Variants in MAD1L1 observed in about 807,000 individuals in gnomAD.
The protein encoded by MAD1L1 is mitotic spindle assembly checkpoint protein MAD1.
In MAD1L1, 95 loss-of-function variants were observed where a neutral mutation model predicts 96.9. That is an observed-to-expected ratio of 0.98 (90% CI 0.83 to 1.16). The LOEUF (loss-of-function observed/expected upper bound fraction) is 1.16, where lower values mean the gene tolerates loss of function less well. Ranked by LOEUF, MAD1L1 falls within the 50% of genes most tolerant of loss-of-function variation. The pLI, the probability that MAD1L1 is intolerant of heterozygous loss-of-function variation, is 0.00. For synonymous variants in MAD1L1, 473 were observed against 396.6 expected (o/e 1.19, Z -2.29); for missense variants, 1,007 against 954.4 (o/e 1.06, Z -0.73).
chr7:2,128,171 C>T (rs1191891784), intron 11 of MAD1L1, among the ~76,000 whole-genome samples: 7 of 152,302 alleles, frequency 4.6e-5, no homozygotes, highest in East Asian at 3.9e-4. Flanking sequence ...CTCATGAAGC[C>T]GGACAATTGT....
intron 18 of MAD1L1, among the ~76,000 whole-genome samples, chr7:1,821,782 C>T (rs559444984): frequency 6.6e-6 from 1 of 152,294 alleles, no homozygotes; most frequent in East Asian, 1.9e-4. Context: ...GAAAGTCCTC[C>T]GACTTGGTAA....
At chr7:1,887,907 G>T (rs537175088) in intron 18 of MAD1L1, among the ~76,000 whole-genome samples, 1 of 135,532 alleles carries the variant, frequency 7.4e-6, no homozygotes, top group East Asian at 2.2e-4. Flanking sequence ...GTGCATGTGT[G>T]TGCATGCATG....
chr7:1,975,789 C>T (rs1357771815), intron 15 of MAD1L1, among the ~76,000 whole-genome samples: 4 of 152,084 alleles, frequency 2.6e-5, no homozygotes, highest in Admixed American at 6.5e-5. Context: ...TGAGGCAGGC[C>T]GGCGTCTCCA....
intron 10 of MAD1L1, among the ~76,000 whole-genome samples, chr7:2,191,679 C>CA (rs1791725199): frequency 6.6e-6 from 1 of 152,028 alleles, no homozygotes; most frequent in Admixed American, 6.6e-5. Flanking sequence ...TGCAGTAAGC[C>CA]ATGATTGTGC....
chr7:1,931,737 G>A (rs761050207), intron 17 of MAD1L1, among the ~76,000 whole-genome samples: 4 of 149,940 alleles, frequency 2.7e-5, no homozygotes, highest in East Asian at 2.0e-4. Context: ...GCTCCCTTAC[G>A]ACTGTGTGAG....
chr7:1,887,654 C>A (rs977873291), intron 18 of MAD1L1, among the ~76,000 whole-genome samples: 1 of 125,896 alleles, frequency 7.9e-6, no homozygotes, highest in African/African-American at 2.7e-5. Context: ...CATGTGGGTG[C>A]CTGTGCATGT....
At chr7:2,186,996 T>G (rs749456516) in intron 10 of MAD1L1, among the ~76,000 whole-genome samples, 8 of 151,948 alleles carry the variant, frequency 5.3e-5, no homozygotes, top group Admixed American at 2.6e-4. Flanking sequence ...TTTCGCCATG[T>G]TGGCCAGGCT....
chr7:2,094,298 T>C (rs1482130670), intron 11 of MAD1L1, among the ~76,000 whole-genome samples: 1 of 152,138 alleles, frequency 6.6e-6, no homozygotes, highest in African/African-American at 2.4e-5. Context: ...GGATGCAGAA[T>C]CCACAGCTCT....
At chr7:1,848,337 C>T (rs904158264) in intron 18 of MAD1L1, 1 of 156,846 alleles carries the variant, frequency 6.4e-6, no homozygotes, top group Non-Finnish European at 1.4e-5. Flanking sequence ...GTGTGCATGC[C>T]AGGGCAGACG....
chr7:2,129,421 C>T (rs1788402044), intron 11 of MAD1L1, among the ~76,000 whole-genome samples: 1 of 152,234 alleles, frequency 6.6e-6, no homozygotes, highest in Non-Finnish European at 1.5e-5. Context: ...AGCAGGCTCA[C>T]GGCGGCTCCT....
Position 2,105,480 on chromosome 7 carries a change from A to C in MAD1L1, c.1074-36142T>G, listed in dbSNP as rs150842267. Among the ~76,000 whole-genome samples the C allele has an allele frequency of 5.4e-3, 825 of 152,220 alleles. 8 individuals carry two copies. The highest frequency in any genetic ancestry group is 0.019 in the African/African-American group (782 of 41,524). On this transcript the variant is annotated intron_variant, in intron 11 of 18. Transcript: ENST00000265854. The stretch of plus-strand genomic sequence containing the variant: ...GGCACAGCCTGCGCTGGGGCAAGGC[A>C]GGGAGCGTGGATCATCACCCGAGGC...
chr7:2,229,675 A>T (rs1262219333), intron 3 of MAD1L1, among the ~76,000 whole-genome samples: 1 of 152,160 alleles, frequency 6.6e-6, no homozygotes, highest in Non-Finnish European at 1.5e-5. Flanking sequence ...CCTCAATTAG[A>T]TGAATGAACT....
intron 16 of MAD1L1, among the ~76,000 whole-genome samples, chr7:1,955,554 G>A (rs141530132): frequency 5.6e-4 from 86 of 152,342 alleles, no homozygotes; most frequent in African/African-American, 1.9e-3. Flanking sequence ...GCCTCCCAAA[G>A]TACTGGGATT....
chr7:1,925,366 A>G (rs1394172006), intron 17 of MAD1L1, among the ~76,000 whole-genome samples: 12 of 152,228 alleles, frequency 7.9e-5, no homozygotes, highest in African/African-American at 2.9e-4. Flanking sequence ...CAGGCATCCT[A>G]GTCTATTGGC....
At chr7:2,080,251 C>T (rs889870328) in intron 11 of MAD1L1, among the ~76,000 whole-genome samples, 1 of 152,220 alleles carries the variant, frequency 6.6e-6, no homozygotes, top group African/African-American at 2.4e-5. Context: ...GTGACAGAGC[C>T]CGTGGCTCAA....
rs753461846 is a variant in MAD1L1, at chr7:1,898,249, C to T, written c.1949G>A (p.Arg650Gln). ...QIDITTENQYRLTSLYAEHPG... is the reference protein window; with the variant it reads ...QIDITTENQYQLTSLYAEHPG... ...GTGCTCGGCGTACAGCGAGGTCAGC[C>T]GGTACTGGTTCTCCGTGGTGATGTC... Residue 650 changes from arginine to glutamine, a missense_variant, in exon 18 of 19, where the codon CGG (arginine) becomes CAG (glutamine). Coordinates refer to ENST00000265854, the MANE Select transcript of MAD1L1 (RefSeq NM_001013836.2). 1.2e-5 allele frequency: 20 copies of T among 1,613,890 alleles called. No individual in the cohort carries two copies. The highest frequency in any genetic ancestry group is 2.7e-5 in the African/African-American group (2 of 74,918).
intron 15 of MAD1L1, among the ~76,000 whole-genome samples, chr7:1,966,593 A>C (rs1780178828): frequency 6.8e-6 from 1 of 147,866 alleles, no homozygotes. Flanking sequence ...AAATCCCTAG[A>C]GATTCAAGAA....
chr7:2,042,636 A>G (rs775302871), intron 12 of MAD1L1, among the ~76,000 whole-genome samples: 11 of 152,170 alleles, frequency 7.2e-5, no homozygotes, highest in African/African-American at 9.7e-5. Context: ...GCCCAGAGCC[A>G]TCCCGAGTGA....
rs964208587 is a variant in MAD1L1 at position 2,142,711 on chromosome 7, A to C, written c.1073+6441T>G. On this transcript the variant is annotated intron_variant, in intron 11 of 18. Coordinates refer to ENST00000265854, the MANE Select transcript of MAD1L1 (RefSeq NM_001013836.2). This position sits in a 1 kb window ranked among gnomAD's most constrained non-coding sequence, Gnocchi z 4.7. Reference sequence around the variant, plus strand: ...AAGACCATTTACATCGAGTGGCGCCAAAGCCGAACGGACGCAACAAGGCCT... The same window carrying C: ...AAGACCATTTACATCGAGTGGCGCCCAAGCCGAACGGACGCAACAAGGCCT... Among the ~76,000 whole-genome samples, 2 of 152,246 alleles carry C rather than the reference A, an allele frequency of 1.3e-5. No individual in the cohort carries two copies. Among genetic ancestry groups the C allele is most frequent in the African/African-American group, 4.8e-5 (2 of 41,460 alleles).
Sources: gnomAD v4.1 joint callset for allele counts (sites outside exome capture counted in the v4.1 genomes callset) on GRCh38, gnomAD v4.1.1 for gene constraint, Gnocchi (gnomAD v3.1) non-coding constraint, MANE v1.5 for transcripts, NCBI Gene and HGNC (gene_info 2026-07-23, HGNC 2026-07-21) for gene names.